The following PHTF1 variants were observed in gnomAD, a reference collection of about 807,000 sequenced individuals.
PHTF1 encodes protein PHTF1.
A neutral mutation model predicts 102.4 loss-of-function variants in PHTF1; 88 were observed. That is an observed-to-expected ratio of 0.86 (90% CI 0.72 to 1.03). The LOEUF (loss-of-function observed/expected upper bound fraction) is 1.03, where lower values mean the gene tolerates loss of function less well. Among genes scored for constraint, PHTF1 ranks in the 50% least tolerant of loss-of-function variants. The pLI, the probability that PHTF1 is intolerant of heterozygous loss-of-function variation, is 0.00. For synonymous variants in PHTF1, 289 were observed against 305.2 expected, an observed-to-expected ratio of 0.95 and a Z score of 0.55; for missense variants, 814 against 909.5, an observed-to-expected ratio of 0.89 and a Z score of 1.35.
chr1:113,745,606 C>T (rs188178163), intron 3 of PHTF1, among the ~76,000 whole-genome samples: 220 of 152,312 alleles, frequency 1.4e-3, no homozygotes, highest in African/African-American at 5.2e-3. Flanking sequence ...TCTGTATTTA[C>T]ATCCACTCCC....
chr1:113,732,188 G>A lies in PHTF1; in HGVS notation c.332-5614C>T, dbSNP rs115541578. ...AACAAGAAAGCATGAGAGAAAATGTGGGAAAGCAGAATAATGAAGAAATAC... is the reference window on the plus strand; with the variant it reads ...AACAAGAAAGCATGAGAGAAAATGTAGGAAAGCAGAATAATGAAGAAATAC... On this transcript the variant is annotated intron_variant, in intron 5 of 18. Transcript: ENST00000369604. 5.0e-3 allele frequency among the ~76,000 whole-genome samples: 755 copies of A among 152,146 alleles called. 3 individuals are homozygous for A. Among genetic ancestry groups the A allele is most frequent in the African/African-American group, 0.018 (735 of 41,516 alleles).
At chr1:113,717,921 C>A (rs1425505479) in intron 7 of PHTF1, among the ~76,000 whole-genome samples, 1 of 152,114 alleles carries the variant, frequency 6.6e-6, no homozygotes, top group Non-Finnish European at 1.5e-5. Flanking sequence ...CAAACCATAT[C>A]ATTCTGCTCC....
intron 5 of PHTF1, among the ~76,000 whole-genome samples, chr1:113,730,091 T>C (rs1488572662): frequency 2.9e-4 from 44 of 152,326 alleles, no homozygotes; most frequent in Non-Finnish European, 2.9e-4. Context: ...AGGGAATGCC[T>C]GGGGGACCCA....
intron 11 of PHTF1, among the ~76,000 whole-genome samples, chr1:113,707,981 G>A (rs1029973520): frequency 6.6e-6 from 1 of 152,180 alleles, no homozygotes; most frequent in Non-Finnish European, 1.5e-5. Flanking sequence ...ATGAGGCCTG[G>A]TACACATCAG....
At chr1:113,709,136 T>C (rs555169801) in intron 11 of PHTF1, among the ~76,000 whole-genome samples, 57 of 152,148 alleles carry the variant, frequency 3.7e-4, no homozygotes, top group African/African-American at 1.2e-3. Flanking sequence ...ATCAGGAGGC[T>C]GAGGTGGGAG....
Position 113,704,660 on chromosome 1 carries a change from A to C in PHTF1, c.1803+6T>G, listed in dbSNP as rs1284133982. 5 of 1,572,310 alleles carry C rather than the reference A, an allele frequency of 3.2e-6. No homozygotes were observed. The highest frequency in any genetic ancestry group is 4.3e-6 in the Non-Finnish European group (5 of 1,156,630). On this transcript the variant is annotated splice_donor_region_variant and intron_variant, in intron 14 of 18. Coordinates refer to ENST00000369604, the MANE Select transcript of PHTF1 (RefSeq NM_001323043.2). ...CATACTCTATTGTTAATCAAATAAA[A>C]CTCACCTTTAGATAGGAACGCAGTG...
chr1:113,723,789 T>C (rs1275432482), intron 7 of PHTF1, among the ~76,000 whole-genome samples: 1 of 152,078 alleles, frequency 6.6e-6, no homozygotes, highest in Non-Finnish European at 1.5e-5. Context: ...CACATCAAGT[T>C]AAAAAGCATC....
At chr1:113,719,158 G>A (rs1652532443) in intron 7 of PHTF1, among the ~76,000 whole-genome samples, 1 of 151,964 alleles carries the variant, frequency 6.6e-6, no homozygotes, top group Non-Finnish European at 1.5e-5. Context: ...CCACCATCAT[G>A]CCTGGTTAAT....
intron 7 of PHTF1, among the ~76,000 whole-genome samples, chr1:113,722,226 C>T (rs773344201): frequency 7.9e-5 from 12 of 151,888 alleles, no homozygotes; most frequent in South Asian, 4.2e-4. Flanking sequence ...CCAAGACGGG[C>T]GGATCACGAG....
intron 2 of PHTF1, 35 bp from the exon 3 acceptor site, chr1:113,757,790 C>A (rs755255460): frequency 7.5e-7 from 1 of 1,328,220 alleles, no homozygotes. Flanking sequence ...TTAAACGATG[C>A]AAAGGAAATC....
rs760764977 is a variant in PHTF1, at chr1:113,713,346, C to G, written c.716G>C (p.Arg239Pro). The change falls in exon 8 of 19, where the codon CGA becomes CCA. Residue 239 changes from arginine (R) to proline (P), a missense_variant. Coordinates refer to ENST00000369604, the MANE Select transcript of PHTF1 (RefSeq NM_001323043.2). ...TGTTTGCCACATTCTAATCTCTGGT[C>G]GACATTGTCTCCTCTTAATGATAGG... ...VHPIIKRRQC[R>P]PEIRMWQTRE... The G allele has an allele frequency of 6.2e-7, 1 of 1,612,558 alleles. No homozygotes were observed. Among genetic ancestry groups the G allele is most frequent in the Non-Finnish European group, 8.5e-7 (1 of 1,178,676 alleles).
chr1:113,701,859 A>T (rs1042980197), intron 15 of PHTF1, among the ~76,000 whole-genome samples: 5 of 138,234 alleles, frequency 3.6e-5, no homozygotes, highest in Admixed American at 1.4e-4. Flanking sequence ...AAAAAAAAAA[A>T]TCATTCAGAA....
chr1:113,756,654 TC>T (rs1658922730), intron 3 of PHTF1, among the ~76,000 whole-genome samples: 1 of 152,178 alleles, frequency 6.6e-6, no homozygotes. Context: ...AAGCAACCAT[TC>T]CATGATGAAT....
chr1:113,726,526 T>A lies in PHTF1; in HGVS notation c.380A>T (p.Glu127Val). The A allele has an allele frequency of 6.2e-7, 1 of 1,607,086 alleles. No homozygotes were observed. The highest frequency in any genetic ancestry group is 8.5e-7 in the Non-Finnish European group (1 of 1,175,714). ...YLMMPIVNISEVLGPLCLMLL... is the reference protein window; with the variant it reads ...YLMMPIVNISVVLGPLCLMLL... Reference sequence around the variant, plus strand: ...CATAAGGCACAAGGGTCCAAGTACTTCACTTATGTTCACAATAGGCATCAT... The same window carrying A: ...CATAAGGCACAAGGGTCCAAGTACTACACTTATGTTCACAATAGGCATCAT... The change falls in exon 6 of 19, where the codon GAA becomes GTA. Residue 127 changes from glutamate (E) to valine (V), a missense_variant. Physicochemically the swap from Glu to Val is moderately radical, Grantham distance 121. Coordinates refer to ENST00000369604, the MANE Select transcript of PHTF1 (RefSeq NM_001323043.2).
At chr1:113,734,468 G>T (rs943895248) in intron 5 of PHTF1, among the ~76,000 whole-genome samples, 4 of 152,220 alleles carry the variant, frequency 2.6e-5, no homozygotes, top group African/African-American at 9.7e-5. Flanking sequence ...TTGTTACAGA[G>T]TGGTAAAGAA....
At chr1:113,741,597 T>G (rs1216293814) in intron 3 of PHTF1, among the ~76,000 whole-genome samples, 1 of 152,182 alleles carries the variant, frequency 6.6e-6, no homozygotes, top group Non-Finnish European at 1.5e-5. Flanking sequence ...TCTCCAACAA[T>G]GTTACAGAGT....
intron 7 of PHTF1, among the ~76,000 whole-genome samples, chr1:113,720,140 C>A (rs1652683862): frequency 6.6e-6 from 1 of 152,054 alleles, no homozygotes; most frequent in Admixed American, 6.6e-5. Flanking sequence ...CACAGCCAAA[C>A]CATATCAAGT....
intron 2 of PHTF1, among the ~76,000 whole-genome samples, 182 bp downstream of exon 2, chr1:113,758,477 T>C (rs1659222185): frequency 6.6e-6 from 1 of 151,134 alleles, no homozygotes; most frequent in African/African-American, 2.4e-5. Context: ...TTCTGGGACC[T>C]GGAACCGGGT....
rs145476172 is a variant in PHTF1, at chr1:113,705,946, A to G, written c.1615T>C (p.Cys539Arg). 7 of 1,613,992 alleles carry G rather than the reference A, an allele frequency of 4.3e-6. No individual in the cohort carries two copies. In the African/African-American group the frequency reaches 9.3e-5, roughly 22 times the overall value. Residue 539 changes from cysteine to arginine, a missense_variant, in exon 13 of 19, where the codon TGT becomes CGT. By Grantham distance (180) the Cys-to-Arg change is radical (BLOSUM62 -3). Transcript: ENST00000369604. ...LSIINFFERL[C>R]LTWMFFFMMC... is the part of the protein sequence containing the mutation. The stretch of plus-strand genomic sequence containing the variant: ...ATGAAAAAAAACATCCAAGTAAGAC[A>G]CAATCTTTCAAAAAAATTAATTATC...
Sources: gnomAD v4.1 joint callset for allele counts (sites outside exome capture counted in the v4.1 genomes callset) on GRCh38, gnomAD v4.1.1 for gene constraint, MANE v1.5 for transcripts, NCBI Gene and HGNC (gene_info 2026-07-23, HGNC 2026-07-21) for gene names.